Variants in MSRA observed in about 807,000 individuals in gnomAD.
MSRA encodes the protein methionine sulfoxide reductase A.
A neutral mutation model predicts 31.3 loss-of-function variants in MSRA; 54 were observed. The observed-to-expected ratio is 1.73, with a 90% CI of 1.39 to 2.17. The LOEUF is 2.17. Among genes scored for constraint, MSRA ranks in the 30% most tolerant of loss-of-function variants. MSRA has a pLI of 0.00. For missense variants in MSRA, 507 were observed against 300.9 expected, an observed-to-expected ratio of 1.69 and a Z score of -5.07; for synonymous variants, 169 against 116.5, an observed-to-expected ratio of 1.45 and a Z score of -2.90.
intron 1 of MSRA, among the ~76,000 whole-genome samples, chr8:10,099,368 C>G (rs1234965529): frequency 1.3e-5 from 2 of 152,146 alleles, no homozygotes; most frequent in Non-Finnish European, 2.9e-5. Flanking sequence ...AGGACTTGCT[C>G]TGTGCCAGGC....
At chr8:10,405,330 C>G (rs973440010) in intron 5 of MSRA, among the ~76,000 whole-genome samples, 2 of 152,148 alleles carry the variant, frequency 1.3e-5, no homozygotes, top group South Asian at 2.1e-4. Flanking sequence ...GCCCCTCCCT[C>G]CATGTTTGGG....
chr8:10,304,860 A>T (rs564933347), intron 4 of MSRA, among the ~76,000 whole-genome samples: 150 of 152,302 alleles, frequency 9.8e-4, no homozygotes, highest in African/African-American at 3.5e-3. Context: ...GGTGATTCTG[A>T]TCTGTGAGGC....
At chr8:10,090,414 G>C (rs1168272732) in intron 1 of MSRA, among the ~76,000 whole-genome samples, 1 of 152,184 alleles carries the variant, frequency 6.6e-6, no homozygotes, top group African/African-American at 2.4e-5. Flanking sequence ...AGGTGGATAA[G>C]AGTTTAGTTA....
chr8:10,237,787 C>T (rs916003267), intron 2 of MSRA, among the ~76,000 whole-genome samples: 1 of 152,216 alleles, frequency 6.6e-6, no homozygotes, highest in African/African-American at 2.4e-5. Flanking sequence ...TTGGCTCTAT[C>T]TTCAAAATAT....
chr8:10,177,342 G>A (rs1490215244), intron 1 of MSRA, among the ~76,000 whole-genome samples: 2 of 152,224 alleles, frequency 1.3e-5, no homozygotes, highest in Admixed American at 6.5e-5. Flanking sequence ...CACACTGATG[G>A]ATATGGTGGA....
chr8:10,113,981 G>C (rs979252005), intron 1 of MSRA, among the ~76,000 whole-genome samples: 1 of 152,058 alleles, frequency 6.6e-6, no homozygotes, highest in Non-Finnish European at 1.5e-5. Flanking sequence ...TCTTCCCCCT[G>C]TCCTTGGCAA....
chr8:10,399,647 C>G (rs904028353), intron 5 of MSRA, among the ~76,000 whole-genome samples: 1 of 152,294 alleles, frequency 6.6e-6, no homozygotes, highest in East Asian at 1.9e-4. Context: ...TACAAATTAC[C>G]CAGCCTCTGA....
intron 5 of MSRA, among the ~76,000 whole-genome samples, chr8:10,378,881 C>G (rs1470609305): frequency 6.6e-6 from 1 of 152,188 alleles, no homozygotes; most frequent in Admixed American, 6.5e-5. Context: ...TATTTAAAAC[C>G]ATATCTTATT....
At chr8:10,158,983 G>C (rs554269117) in intron 1 of MSRA, among the ~76,000 whole-genome samples, 2 of 152,244 alleles carry the variant, frequency 1.3e-5, no homozygotes, top group South Asian at 2.1e-4. Flanking sequence ...GCCATTGGAG[G>C]GTTTTAGGGA....
At chr8:10,268,972 C>T (rs528077693) in intron 3 of MSRA, among the ~76,000 whole-genome samples, 3 of 152,342 alleles carry the variant, frequency 2.0e-5, no homozygotes, top group African/African-American at 7.2e-5. Context: ...GATTGGAACA[C>T]AATGACTACA....
intron 1 of MSRA, among the ~76,000 whole-genome samples, chr8:10,063,346 C>A (rs1213464001): frequency 6.6e-6 from 1 of 152,206 alleles, no homozygotes; most frequent in African/African-American, 2.4e-5. Context: ...ATTTGAATTT[C>A]ATTCTCTCAC....
intron 3 of MSRA, among the ~76,000 whole-genome samples, chr8:10,274,892 C>T (rs1293815507): frequency 6.6e-6 from 1 of 152,136 alleles, no homozygotes; most frequent in African/African-American, 2.4e-5. Context: ...ACCATCTATC[C>T]GTCCATCCAA....
chr8:10,063,252 T>C (rs1195943874), intron 1 of MSRA, among the ~76,000 whole-genome samples: 1 of 152,230 alleles, frequency 6.6e-6, no homozygotes, highest in East Asian at 1.9e-4. Flanking sequence ...TGAGTCCCGA[T>C]GACTTCTTTT....
chr8:10,257,550 G>T (rs1006675730), intron 3 of MSRA, among the ~76,000 whole-genome samples: 17 of 152,104 alleles, frequency 1.1e-4, no homozygotes, highest in Non-Finnish European at 2.4e-4. Context: ...GGGATTATAG[G>T]CACGCACCAC....
chr8:10,161,504 G>A (rs956134759), intron 1 of MSRA, among the ~76,000 whole-genome samples: 3 of 152,132 alleles, frequency 2.0e-5, no homozygotes, highest in African/African-American at 7.2e-5. Context: ...GTGTGAAGAA[G>A]AAGGAAAAAA....
intron 3 of MSRA, among the ~76,000 whole-genome samples, chr8:10,251,687 A>C (rs1290599842): frequency 1.3e-5 from 2 of 152,038 alleles, no homozygotes; most frequent in African/African-American, 4.8e-5. Context: ...TCTTCCCCAC[A>C]CCCACATCCA....
At chr8:10,225,831 C>T (rs1049477296) in intron 2 of MSRA, among the ~76,000 whole-genome samples, 1 of 152,130 alleles carries the variant, frequency 6.6e-6, no homozygotes, top group African/African-American at 2.4e-5. Context: ...TGACCATCTA[C>T]CGGGTGCCAA....
intron 3 of MSRA, among the ~76,000 whole-genome samples, chr8:10,286,370 T>C (rs1319361339): frequency 6.6e-6 from 1 of 152,102 alleles, no homozygotes; most frequent in Non-Finnish European, 1.5e-5. Context: ...TCTCACGAGA[T>C]CTCATGGTTA....
At chr8:10,393,565 G>A (rs562880033) in intron 5 of MSRA, among the ~76,000 whole-genome samples, 71 of 152,310 alleles carry the variant, frequency 4.7e-4, no homozygotes, top group African/African-American at 1.6e-3. Context: ...GCAGCTGGAC[G>A]GCTGCCTGGC....
Sources: gnomAD v4.1 joint callset for allele counts (sites outside exome capture counted in the v4.1 genomes callset) on GRCh38, gnomAD v4.1.1 for gene constraint, MANE v1.5 for transcripts, NCBI Gene and HGNC (gene_info 2026-07-23, HGNC 2026-07-21) for gene names.